Variants in MCM10 observed in about 807,000 individuals in gnomAD.
MCM10 encodes protein MCM10 homolog.
MCM10 carries 91 observed loss-of-function variants against 109.9 expected under a neutral mutation model. The ratio of observed to expected loss-of-function variants is 0.83; its 90% CI spans 0.70 to 0.99. The LOEUF (loss-of-function observed/expected upper bound fraction) is 0.99. Ranked by LOEUF, MCM10 falls within the 50% of genes least tolerant of loss-of-function variation. The pLI is 0.00. For synonymous variants in MCM10, 380 were observed against 387.2 expected, an observed-to-expected ratio of 0.98 and a Z score of 0.22; for missense variants, 1,077 against 1,061.2, an observed-to-expected ratio of 1.01 and a Z score of -0.21.
rs1834092125 is a variant in MCM10, at chr10:13,172,763, C to T, written c.590C>T (p.Pro197Leu). The change falls in exon 5 of 20, where the codon CCA becomes CTA. Residue 197 changes from proline (P) to leucine (L), a missense_variant and splice_region_variant. By Grantham distance (98) the Pro-to-Leu change is moderately conservative. Coordinates refer to ENST00000378714, the MANE Select transcript of MCM10 (RefSeq NM_018518.5). This position sits in a 1 kb window ranked among gnomAD's most constrained non-coding sequence, Gnocchi z 5.2. ...RVARTPKASP[P>L]DPKSSSSRMT... is the part of the protein sequence containing the mutation. ...GCTCGAACACCAAAGGCTTCACCTC[C>T]AGGTGTAGTACTTGCGGTCTCAGTA... is the stretch of plus-strand genomic sequence containing the variant. 2.5e-6 allele frequency: 4 copies of T among 1,614,040 alleles called. No homozygotes were observed. The highest frequency in any genetic ancestry group is 3.4e-6 in the Non-Finnish European group (4 of 1,179,980).
intron 17 of MCM10, among the ~76,000 whole-genome samples, chr10:13,203,267 A>C (rs1304908530): frequency 6.6e-6 from 1 of 152,128 alleles, no homozygotes; most frequent in Non-Finnish European, 1.5e-5. Flanking sequence ...CTCCTGGCCC[A>C]GCTTCTGAGT....
At chr10:13,204,011 A>G (rs529300477) in intron 17 of MCM10, among the ~76,000 whole-genome samples, 2 of 151,702 alleles carry the variant, frequency 1.3e-5, no homozygotes, top group South Asian at 4.2e-4. Flanking sequence ...ATTGGGACAA[A>G]CGTGAGAAAC....
At chr10:13,179,332 C>A (rs1426869730) in intron 6 of MCM10, among the ~76,000 whole-genome samples, 1 of 152,144 alleles carries the variant, frequency 6.6e-6, no homozygotes, top group Non-Finnish European at 1.5e-5. Flanking sequence ...TGCTCCTTGG[C>A]TGGACACCAT....
At chr10:13,167,675 C>T (rs958669428) in intron 2 of MCM10, among the ~76,000 whole-genome samples, 1 of 152,214 alleles carries the variant, frequency 6.6e-6, no homozygotes. Context: ...TCTTGAACTT[C>T]AGAGAGCTGT....
chr10:13,162,234 AATTGGACGTGGTGG>A (rs1443011718), intron 1 of MCM10, among the ~76,000 whole-genome samples: 1 of 152,104 alleles, frequency 6.6e-6, no homozygotes, highest in Non-Finnish European at 1.5e-5. Context: ...GGGTGGGTAG[AATTGGACGTGGTGG>A]ATTGTGGAAA....
chr10:13,175,117 C>G (rs1020513418), intron 5 of MCM10, among the ~76,000 whole-genome samples: 31 of 151,256 alleles, frequency 2.0e-4, no homozygotes, highest in African/African-American at 7.5e-4. Flanking sequence ...GAGTGAAACT[C>G]CATCTCAAAA....
intron 14 of MCM10, among the ~76,000 whole-genome samples, chr10:13,196,316 T>C (rs1834420664): frequency 6.6e-6 from 1 of 152,092 alleles, no homozygotes. Context: ...CCTGCCCACT[T>C]CCTGAGTGCC....
intron 18 of MCM10, among the ~76,000 whole-genome samples, chr10:13,205,002 GTATATATATATATATATATATATATA>G (rs576376587): frequency 1.5e-4 from 1 of 6,684 alleles, no homozygotes; most frequent in African/African-American, 4.4e-4. Context: ...ATGTATGTAT[GTATATATATATATATATATATATATA>G]TATATATATA....
chr10:13,192,069 G>A (rs1052281537), intron 11 of MCM10, among the ~76,000 whole-genome samples, 186 bp from the exon 12 acceptor site: 2 of 152,110 alleles, frequency 1.3e-5, no homozygotes, highest in African/African-American at 4.8e-5. Context: ...AAATATAGTC[G>A]AGATACCCTG....
At chr10:13,193,060 A>G (rs1834370145) in intron 13 of MCM10, among the ~76,000 whole-genome samples, 1 of 151,670 alleles carries the variant, frequency 6.6e-6, no homozygotes, top group South Asian at 2.1e-4. Context: ...TAATTTTTGT[A>G]TTTTTTTATA....
In MCM10 at chr10:13,188,881, C is replaced by T. The variant is rs537053945; in HGVS notation, c.1216C>T (p.Arg406Cys). 18 of 1,613,862 alleles carry T rather than the reference C, an allele frequency of 1.1e-5. No individual in the cohort carries two copies. The highest frequency in any genetic ancestry group is 4.4e-5 in the South Asian group (4 of 91,070). The change falls in exon 10 of 20, where the codon CGT (arginine) becomes TGT (cysteine). Residue 406 changes from arginine (R) to cysteine (C), a missense_variant and splice_region_variant. By Grantham distance (180) the Arg-to-Cys change is radical. Coordinates refer to ENST00000378714, the MANE Select transcript of MCM10 (RefSeq NM_018518.5). ...GEPCTQTVNL[R>C]DCEYCQYHVQ... ...GATGCCACTGCTCTGCCTTTTGCAG[C>T]GTGACTGTGAGTACTGTCAGTACCA...
intron 2 of MCM10, among the ~76,000 whole-genome samples, chr10:13,169,031 G>C (rs1313143949): frequency 6.6e-6 from 1 of 152,238 alleles, no homozygotes; most frequent in Non-Finnish European, 1.5e-5. Flanking sequence ...TGGGGGCCAG[G>C]CGTGTTCAAC....
intron 2 of MCM10, among the ~76,000 whole-genome samples, chr10:13,169,606 C>A (rs1440607423): frequency 6.6e-6 from 1 of 152,110 alleles, no homozygotes; most frequent in Admixed American, 6.5e-5. Flanking sequence ...TAGAAATAGC[C>A]CATATTGTCC....
intron 8 of MCM10, among the ~76,000 whole-genome samples, chr10:13,184,861 G>A (rs1250175894): frequency 6.6e-6 from 1 of 152,148 alleles, no homozygotes; most frequent in Non-Finnish European, 1.5e-5. Flanking sequence ...CAGTTTCTTG[G>A]AGAGGAATAC....
At position 13,198,713 on chromosome 10, in the gene MCM10, G is replaced by A. The variant is rs565563539; in HGVS notation, c.2144G>A (p.Arg715Lys). The A allele has an allele frequency of 2.1e-4, 333 of 1,613,142 alleles. 2 individuals are homozygous for A. The South Asian group carries it at 3.4e-3, about 17-fold the overall frequency. ...GCTGAGGATGAATTGGAGCCTGCCAGGAAAAAAAGGAGAGAACAACTTGCC... is the reference window on the plus strand; with the variant it reads ...GCTGAGGATGAATTGGAGCCTGCCAAGAAAAAAAGGAGAGAACAACTTGCC... ...SQAEDELEPARKKRREQLAYL... is the reference protein window; with the variant it reads ...SQAEDELEPAKKKRREQLAYL... The change falls in exon 16 of 20, where the codon AGG becomes AAG. Residue 715 changes from arginine to lysine, a missense_variant. Coordinates refer to ENST00000378714, the MANE Select transcript of MCM10 (RefSeq NM_018518.5).
At position 13,209,863 on chromosome 10, in the gene MCM10, T is replaced by C. The variant is rs1243282653; in HGVS notation, c.*553T>C. Reference sequence around the variant, plus strand: ...CTAGATAATGATGATCACATAGTCTTGATGTACGGACATTAAAAGCCAGAT... The same window carrying C: ...CTAGATAATGATGATCACATAGTCTCGATGTACGGACATTAAAAGCCAGAT... On this transcript the variant is annotated 3_prime_UTR_variant, in exon 20 of 20. Transcript: ENST00000378714. 6.5e-6 allele frequency: 1 copy of C among 153,496 alleles called. No individual in the cohort carries two copies. Among genetic ancestry groups the C allele is most frequent in the Non-Finnish European group, 1.4e-5 (1 of 68,990 alleles). 9.5% of individuals were successfully genotyped at this position (153,496 alleles called of 1,614,324 possible). A position where few individuals can be genotyped will look rare whatever the true frequency, so the allele number is the denominator to read the frequency against.
chr10:13,185,770 C>G (rs1834266900), intron 8 of MCM10, among the ~76,000 whole-genome samples: 1 of 152,232 alleles, frequency 6.6e-6, no homozygotes, highest in East Asian at 1.9e-4. Flanking sequence ...ACTAAAACCT[C>G]TCTCCTTTTT....
intron 6 of MCM10, 64 bp from the exon 7 acceptor site, chr10:13,180,378 G>A (rs1834194448): frequency 6.8e-7 from 1 of 1,465,082 alleles, no homozygotes; most frequent in East Asian, 2.4e-5. Flanking sequence ...CTTACCACCT[G>A]CTAAGGTGCC....
chr10:13,201,908 CT>C, intron 17 of MCM10: 1 of 194,668 alleles, frequency 5.1e-6, no homozygotes, highest in Non-Finnish European at 1.1e-5. Flanking sequence ...CTGGCCTCTC[CT>C]GTTATGATCC....
Sources: allele counts gnomAD v4.1 joint callset (sites outside exome capture counted in the v4.1 genomes callset), GRCh38; gene constraint gnomAD v4.1.1; non-coding constraint Gnocchi (gnomAD v3.1); transcripts MANE v1.5; gene names NCBI Gene and HGNC (gene_info 2026-07-23, HGNC 2026-07-21).